Variants in GAPT observed in about 807,000 individuals in gnomAD.
The protein encoded by GAPT is protein GAPT.
For synonymous variants in GAPT, 82 were observed against 69.7 expected (o/e 1.18, Z -0.88); for missense variants, 206 against 189.2 (o/e 1.09, Z -0.52).
intron 1 of GAPT, among the ~76,000 whole-genome samples, chr5:58,491,803 G>A (rs76077352): frequency 0.021 from 3,165 of 152,202 alleles, 102 homozygotes; most frequent in African/African-American, 0.072. Flanking sequence ...AACAATTTGC[G>A]ATTTTAAGAA....
At chr5:58,493,195 T>G (rs1039672086) in intron 1 of GAPT, among the ~76,000 whole-genome samples, 1 of 152,154 alleles carries the variant, frequency 6.6e-6, no homozygotes, top group Non-Finnish European at 1.5e-5. Flanking sequence ...AACTAAACAT[T>G]ATTGATGATA....
chr5:58,492,752 A>G (rs1169170304), intron 1 of GAPT, among the ~76,000 whole-genome samples: 1 of 152,154 alleles, frequency 6.6e-6, no homozygotes, highest in Non-Finnish European at 1.5e-5. Flanking sequence ...AACTCACTGA[A>G]AGCAGAGCAC....
chr5:58,493,327 A>C (rs987982455), intron 1 of GAPT, among the ~76,000 whole-genome samples: 1 of 152,170 alleles, frequency 6.6e-6, no homozygotes, highest in East Asian at 1.9e-4. Flanking sequence ...CATGCAGCCC[A>C]GTTGAACACT....
intron 1 of GAPT, 39 bp from the exon 2 acceptor site, chr5:58,493,671 AC>A (rs1289570031): frequency 6.6e-6 from 1 of 152,136 alleles, no homozygotes. Flanking sequence ...AACCCTGCCC[AC>A]CATTTAACCA....
In GAPT at chr5:58,496,172, A is replaced by G. The variant is rs1050377624; in HGVS notation, c.*1162A>G. The G allele has an allele frequency of 6.0e-6, 1 of 165,992 alleles. No individual in the cohort carries two copies. The highest frequency in any genetic ancestry group is 1.9e-4 in the East Asian group (1 of 5,192). The allele number at this position is 165,992 out of a possible 1,614,324, so 10.3% of individuals were successfully genotyped here. ...TTAAACATATGAATGTTGCCACAGC[A>G]TTTTATTACCTAGCTTCATATGAAA... is the stretch of plus-strand genomic sequence containing the variant. On this transcript the variant is annotated 3_prime_UTR_variant, in exon 3 of 3. Coordinates refer to ENST00000502276, the MANE Select transcript of GAPT (RefSeq NM_001304431.2).
chr5:58,492,198 A>C (rs1211858549), intron 1 of GAPT, among the ~76,000 whole-genome samples: 1 of 152,184 alleles, frequency 6.6e-6, no homozygotes, highest in Admixed American at 6.5e-5. Context: ...CAGCTACAGA[A>C]GTGACAATAG....
intron 1 of GAPT, among the ~76,000 whole-genome samples, chr5:58,492,369 C>T (rs1336824344): frequency 6.6e-6 from 1 of 152,100 alleles, no homozygotes; most frequent in East Asian, 1.9e-4. Flanking sequence ...CATAAAATAT[C>T]TTGCAGATAA....
chr5:58,494,885 C>T lies in GAPT; in HGVS notation c.349C>T (p.Gln117Ter). Residue 117 changes from glutamine to a stop codon, truncating the protein, a stop_gained, in exon 3 of 3, where the codon CAG (glutamine) becomes TAG (stop). Coordinates refer to ENST00000502276, the MANE Select transcript of GAPT (RefSeq NM_001304431.2). LOFTEE classifies it low-confidence loss of function (END_TRUNC). ...TAAGGAACTATATGAAAACACAGGG[C>T]AGTCTAATTTCGAGGAGCATATCTA... is the stretch of plus-strand genomic sequence containing the variant. ...TDKELYENTG[Q>*]SNFEEHIYGN... 1 of 1,613,704 alleles carries T rather than the reference C, an allele frequency of 6.2e-7. No homozygotes were observed. The highest frequency in any genetic ancestry group is 8.5e-7 in the Non-Finnish European group (1 of 1,179,698).
At chr5:58,492,484 G>A (rs1204150818) in intron 1 of GAPT, among the ~76,000 whole-genome samples, 1 of 152,006 alleles carries the variant, frequency 6.6e-6, no homozygotes, top group East Asian at 1.9e-4. Flanking sequence ...ATAAAGGAGG[G>A]ACCCTGCAGA....
In GAPT at chr5:58,495,165, A is replaced by C. The variant is rs796564195; in HGVS notation, c.*155A>C. ...CCATAGAATATTATGCAGCCGTAAA[A>C]AAAGAACAAAACTAACATGGGAACA... On this transcript the variant is annotated 3_prime_UTR_variant, in exon 3 of 3. Coordinates refer to ENST00000502276, the MANE Select transcript of GAPT (RefSeq NM_001304431.2). The C allele has an allele frequency of 5.0e-5, 29 of 579,216 alleles. No homozygotes were observed. In the African/African-American group the frequency reaches 5.0e-4, roughly 10 times the overall value. 35.9% of individuals were successfully genotyped at this position (579,216 alleles called of 1,614,324 possible). A position where few individuals can be genotyped will look rare whatever the true frequency, so the allele number is the denominator to read the frequency against.
At chr5:58,494,152 C>G (rs1337752706) in intron 2 of GAPT, 95 bp from the exon 3 acceptor site, 2 of 169,792 alleles carry the variant, frequency 1.2e-5, no homozygotes, top group African/African-American at 4.7e-5. Flanking sequence ...TAGCAGGTTT[C>G]TGGATGGCAG....
chr5:58,494,777 A>G lies in GAPT; in HGVS notation c.241A>G (p.Lys81Glu), dbSNP rs867702514. ...HEISVETQDH[K>E]SAVRGNNTHD... is the part of the protein sequence containing the mutation. ...AATCTCAGTTGAAACCCAAGACCAC[A>G]AATCTGCTGTCAGGGGAAATAACAC... is the stretch of plus-strand genomic sequence containing the variant. The change falls in exon 3 of 3, where the codon AAA becomes GAA. Residue 81 changes from lysine to glutamate, a missense_variant. By Grantham distance (56) the Lys-to-Glu change is moderately conservative (BLOSUM62 1). Transcript: ENST00000502276. 6 of 1,613,920 alleles carry G rather than the reference A, an allele frequency of 3.7e-6. No homozygotes were observed. The African/African-American group carries it at 6.7e-5, about 18-fold the overall frequency.
intron 1 of GAPT, among the ~76,000 whole-genome samples, chr5:58,491,791 T>C (rs1200118750): frequency 6.6e-6 from 1 of 152,190 alleles, no homozygotes. Context: ...CTGAAGTTTC[T>C]CAACAATTTG....
In GAPT at chr5:58,494,748, A is replaced by G. The variant is rs564787399; in HGVS notation, c.212A>G (p.His71Arg). The change falls in exon 3 of 3, where the codon CAT becomes CGT. Residue 71 changes from histidine to arginine, a missense_variant. Coordinates refer to ENST00000502276, the MANE Select transcript of GAPT (RefSeq NM_001304431.2). The stretch of plus-strand genomic sequence containing the variant: ...GGCCCCCGCATCATTGGCTTAAGGC[A>G]TGAAATCTCAGTTGAAACCCAAGAC... Reference protein sequence around the residue: ...FLGPRIIGLRHEISVETQDHK... With the variant: ...FLGPRIIGLRREISVETQDHK... 1.1e-5 allele frequency: 18 copies of G among 1,614,002 alleles called. No homozygotes were observed. The East Asian group carries it at 3.6e-4, about 32-fold the overall frequency.
intron 2 of GAPT, 52 bp from the exon 3 acceptor site, chr5:58,494,195 C>T: frequency 5.0e-6 from 1 of 198,812 alleles, no homozygotes; most frequent in Non-Finnish European, 1.0e-5. Context: ...GAGTTTTCTA[C>T]TCTGCTGTCA....
At chr5:58,493,367 G>A (rs1411565028) in intron 1 of GAPT, among the ~76,000 whole-genome samples, 1 of 152,092 alleles carries the variant, frequency 6.6e-6, no homozygotes, top group East Asian at 1.9e-4. Flanking sequence ...CCATTTTAAA[G>A]CATCAACAGA....
intron 1 of GAPT, among the ~76,000 whole-genome samples, chr5:58,493,084 C>A (rs1244216633): frequency 2.0e-5 from 3 of 152,070 alleles, no homozygotes; most frequent in African/African-American, 7.2e-5. Context: ...AGCCTCTCTT[C>A]TTATCTATAA....
Position 58,494,387 on chromosome 5 carries a change from T to A in GAPT, c.-150T>A. 1 of 635,058 alleles carries A rather than the reference T, an allele frequency of 1.6e-6. No individual in the cohort carries two copies. Among genetic ancestry groups the A allele is most frequent in the Non-Finnish European group, 2.7e-6 (1 of 368,198 alleles). 39.3% of individuals were successfully genotyped at this position (635,058 alleles called of 1,614,324 possible). On this transcript the variant is annotated 5_prime_UTR_variant, in exon 3 of 3. Coordinates refer to ENST00000502276, the MANE Select transcript of GAPT (RefSeq NM_001304431.2). Reference sequence around the variant, plus strand: ...CTCTCTCCTCTAATTGCATCAGGACTTTACCAGATAATGTTCTTCCAGATC... The same window carrying A: ...CTCTCTCCTCTAATTGCATCAGGACATTACCAGATAATGTTCTTCCAGATC...
intron 1 of GAPT, among the ~76,000 whole-genome samples, chr5:58,492,629 G>A (rs1744288848): frequency 6.6e-6 from 1 of 151,978 alleles, no homozygotes; most frequent in Non-Finnish European, 1.5e-5. Flanking sequence ...TAAATTAGCT[G>A]CACATCTTAT....
Sources: allele counts gnomAD v4.1 joint callset (sites outside exome capture counted in the v4.1 genomes callset), GRCh38; gene constraint gnomAD v4.1.1; transcripts MANE v1.5; gene names NCBI Gene and HGNC (gene_info 2026-07-23, HGNC 2026-07-21).